Variants in GNAQ observed in about 807,000 individuals in gnomAD.
GNAQ encodes guanine nucleotide-binding protein G(q) subunit alpha.
GNAQ carries 8 observed loss-of-function variants against 43.9 expected under a neutral mutation model. The ratio of observed to expected loss-of-function variants is 0.18; its 90% CI spans 0.11 to 0.33. The LOEUF is 0.33. Among genes scored for constraint, GNAQ ranks in the 10% least tolerant of loss-of-function variants. The pLI is 1.00. For missense variants in GNAQ, 158 were observed against 450.8 expected, an observed-to-expected ratio of 0.35 and a Z score of 5.88; for synonymous variants, 155 against 170.7, an observed-to-expected ratio of 0.91 and a Z score of 0.71.
intron 5 of GNAQ, among the ~76,000 whole-genome samples, chr9:77,737,147 C>T (rs1216959647): frequency 6.6e-6 from 1 of 152,128 alleles, no homozygotes; most frequent in Admixed American, 6.5e-5. Flanking sequence ...AACTTTCCTC[C>T]TTCCAGTACT....
At chr9:77,896,812 C>T (rs1828511350) in intron 2 of GNAQ, among the ~76,000 whole-genome samples, 1 of 152,158 alleles carries the variant, frequency 6.6e-6, no homozygotes, top group Non-Finnish European at 1.5e-5. Flanking sequence ...TTTCATGACC[C>T]TAATTATTTA....
At chr9:77,855,626 T>C (rs1296205615) in intron 2 of GNAQ, among the ~76,000 whole-genome samples, 3 of 152,086 alleles carry the variant, frequency 2.0e-5, no homozygotes, top group Non-Finnish European at 4.4e-5. Flanking sequence ...ATAAATATGA[T>C]TACCCACAGC....
intron 1 of GNAQ, among the ~76,000 whole-genome samples, chr9:77,997,649 C>T (rs1297370731): frequency 6.6e-6 from 1 of 152,126 alleles, no homozygotes; most frequent in Non-Finnish European, 1.5e-5. Context: ...AAGCAGGAGG[C>T]TGCTCCGCCA....
intron 1 of GNAQ, among the ~76,000 whole-genome samples, chr9:78,027,606 C>T (rs1823997718): frequency 6.6e-6 from 1 of 151,946 alleles, no homozygotes; most frequent in African/African-American, 2.4e-5. Flanking sequence ...AAAAAAATAG[C>T]CGGGCGTGGT....
At chr9:77,903,173 G>C (rs907655632) in intron 2 of GNAQ, among the ~76,000 whole-genome samples, 1 of 152,076 alleles carries the variant, frequency 6.6e-6, no homozygotes, top group African/African-American at 2.4e-5. Context: ...TTGTGGAGGA[G>C]AAGCAGACTA....
At chr9:77,886,289 T>C (rs1828304140) in intron 2 of GNAQ, among the ~76,000 whole-genome samples, 1 of 152,092 alleles carries the variant, frequency 6.6e-6, no homozygotes, top group Admixed American at 6.6e-5. Flanking sequence ...ATTTTTTAAT[T>C]TGTAAAATTA....
At chr9:77,764,152 G>T (rs950826712) in intron 5 of GNAQ, among the ~76,000 whole-genome samples, 1 of 152,152 alleles carries the variant, frequency 6.6e-6, no homozygotes, top group Admixed American at 6.5e-5. Flanking sequence ...AAGTGAGATT[G>T]AGTCAGGTGA....
chr9:77,739,017 C>T (rs1428212213), intron 5 of GNAQ, among the ~76,000 whole-genome samples: 1 of 152,056 alleles, frequency 6.6e-6, no homozygotes, highest in Non-Finnish European at 1.5e-5. Flanking sequence ...TTGAAATTTT[C>T]TATGTAACAG....
chr9:77,892,022 AC>A (rs544637641), intron 2 of GNAQ, among the ~76,000 whole-genome samples: 3 of 152,040 alleles, frequency 2.0e-5, no homozygotes, highest in East Asian at 3.9e-4. Flanking sequence ...ACCAGAAAGC[AC>A]CCCCCAGATT....
chr9:77,824,633 C>T (rs1398097703), intron 2 of GNAQ, among the ~76,000 whole-genome samples: 2 of 152,094 alleles, frequency 1.3e-5, no homozygotes, highest in Non-Finnish European at 2.9e-5. Context: ...CGTATCATTA[C>T]CACAAAATAC....
intron 2 of GNAQ, among the ~76,000 whole-genome samples, chr9:77,866,072 T>G (rs1043183144): frequency 6.6e-6 from 1 of 152,244 alleles, no homozygotes; most frequent in African/African-American, 2.4e-5. Flanking sequence ...CACAGACAAT[T>G]GTGTTTCAGT....
At chr9:78,029,026 T>C (rs10870010) in intron 1 of GNAQ, among the ~76,000 whole-genome samples, 31,895 of 152,190 alleles carry the variant, frequency 0.21, 3,559 homozygotes, top group South Asian at 0.38. Context: ...AAAATTGGTT[T>C]ACACTTTTTC....
chr9:77,893,314 C>T (rs1305361935), intron 2 of GNAQ, among the ~76,000 whole-genome samples: 2 of 152,160 alleles, frequency 1.3e-5, no homozygotes, highest in Non-Finnish European at 2.9e-5. Context: ...CCTCATTGCT[C>T]AATTATCACA....
intron 1 of GNAQ, among the ~76,000 whole-genome samples, chr9:78,021,798 A>T (rs564540177): frequency 6.6e-6 from 1 of 152,242 alleles, no homozygotes; most frequent in Non-Finnish European, 1.5e-5. Flanking sequence ...TTAAAGCCCA[A>T]TGAAGAAAAA....
Position 77,721,265 on chromosome 9 carries a change from C to G in GNAQ, c.*58G>C. ...TGTTTTCCACAGAAATACAGTCCCT[C>G]TTGTGTATCTTCAATAGCCCACCAG... On this transcript the variant is annotated 3_prime_UTR_variant, in exon 7 of 7. Transcript: ENST00000286548. 1 of 1,097,950 alleles carries G rather than the reference C, an allele frequency of 9.1e-7. No homozygotes were observed. The highest frequency in any genetic ancestry group is 1.3e-6 in the Non-Finnish European group (1 of 742,570). 68.0% of individuals were successfully genotyped at this position (1,097,950 alleles called of 1,614,324 possible). A position where few individuals can be genotyped will look rare whatever the true frequency, so the allele number is the denominator to read the frequency against.
chr9:77,899,516 T>G (rs988034061), intron 2 of GNAQ, among the ~76,000 whole-genome samples: 5 of 149,254 alleles, frequency 3.3e-5, no homozygotes, highest in Non-Finnish European at 7.4e-5. Flanking sequence ...CCACACTTAA[T>G]GAGAGACACA....
At chr9:77,992,673 G>A (rs745450243) in intron 1 of GNAQ, among the ~76,000 whole-genome samples, 6 of 152,178 alleles carry the variant, frequency 3.9e-5, no homozygotes, top group Non-Finnish European at 7.3e-5. Flanking sequence ...TCCAGGCATG[G>A]TGGCTCATGC....
intron 1 of GNAQ, among the ~76,000 whole-genome samples, chr9:77,957,940 A>G (rs1286380004): frequency 6.6e-6 from 1 of 152,218 alleles, no homozygotes; most frequent in Admixed American, 6.5e-5. Context: ...GAAGAGACAC[A>G]TTTTAAACGG....
intron 1 of GNAQ, among the ~76,000 whole-genome samples, chr9:77,950,588 T>G (rs1204962290): frequency 1.3e-5 from 2 of 152,234 alleles, no homozygotes; most frequent in East Asian, 3.8e-4. Context: ...TTACAGGTAG[T>G]TATCTCTAGG....
Sources: gnomAD v4.1 joint callset for allele counts (sites outside exome capture counted in the v4.1 genomes callset) on GRCh38, gnomAD v4.1.1 for gene constraint, MANE v1.5 for transcripts, NCBI Gene and HGNC (gene_info 2026-07-23, HGNC 2026-07-21) for gene names.